SKAP2: variants seen among roughly 807,000 people sequenced by gnomAD.
SKAP2 encodes src kinase associated phosphoprotein 2.
SKAP2 carries 28 observed loss-of-function variants against 54.9 expected under a neutral mutation model. That is an observed-to-expected ratio of 0.51 (90% CI 0.38 to 0.70). SKAP2 has a LOEUF of 0.70. Among genes scored for constraint, SKAP2 ranks in the 30% least tolerant of loss-of-function variants. The pLI is 0.00. For missense variants in SKAP2, 356 were observed against 424.1 expected, an observed-to-expected ratio of 0.84 and a Z score of 1.41; for synonymous variants, 137 against 134.3, an observed-to-expected ratio of 1.02 and a Z score of -0.14.
chr7:26,823,474 T>C (rs181199899), intron 4 of SKAP2, among the ~76,000 whole-genome samples: 4 of 149,538 alleles, frequency 2.7e-5, no homozygotes, highest in Admixed American at 2.7e-4. Flanking sequence ...GCCTAATTAC[T>C]GATATGGAGA....
At chr7:26,815,675 G>A (rs1327084222) in intron 4 of SKAP2, among the ~76,000 whole-genome samples, 1 of 152,006 alleles carries the variant, frequency 6.6e-6, no homozygotes, top group Non-Finnish European at 1.5e-5. Context: ...CGAGTGGGAG[G>A]TTCAGTATGA....
At chr7:26,780,886 T>C (rs1783410919) in intron 4 of SKAP2, among the ~76,000 whole-genome samples, 1 of 152,122 alleles carries the variant, frequency 6.6e-6, no homozygotes, top group East Asian at 1.9e-4. Context: ...TAAAAAATCA[T>C]GGCTAAACCA....
chr7:26,833,484 G>A (rs763367425), intron 4 of SKAP2, among the ~76,000 whole-genome samples: 51 of 151,440 alleles, frequency 3.4e-4, no homozygotes, highest in Middle Eastern at 3.4e-3. Flanking sequence ...CCCATCTGAC[G>A]TGCAAAGACA....
At chr7:26,689,318 G>A (rs1367361039) in intron 10 of SKAP2, among the ~76,000 whole-genome samples, 1 of 152,184 alleles carries the variant, frequency 6.6e-6, no homozygotes, top group Non-Finnish European at 1.5e-5. Flanking sequence ...ATGAAGAGGT[G>A]TAAAGTCCTG....
chr7:26,748,771 A>G (rs1782613547), intron 4 of SKAP2, among the ~76,000 whole-genome samples: 1 of 152,088 alleles, frequency 6.6e-6, no homozygotes, highest in African/African-American at 2.4e-5. Context: ...AATATATACA[A>G]TTATGAACTG....
intron 9 of SKAP2, among the ~76,000 whole-genome samples, chr7:26,705,337 T>C (rs1216837477): frequency 6.6e-6 from 1 of 152,238 alleles, no homozygotes; most frequent in Non-Finnish European, 1.5e-5. Flanking sequence ...ATCAAACATG[T>C]AAATTTAATG....
intron 11 of SKAP2, among the ~76,000 whole-genome samples, chr7:26,672,427 T>G (rs1786262177): frequency 6.6e-6 from 1 of 151,854 alleles, no homozygotes; most frequent in South Asian, 2.1e-4. Flanking sequence ...AGGAGCTTAA[T>G]CAACTATAAA....
At chr7:26,852,871 T>C (rs1345310313) in intron 3 of SKAP2, among the ~76,000 whole-genome samples, 4 of 152,194 alleles carry the variant, frequency 2.6e-5, no homozygotes, top group Non-Finnish European at 4.4e-5. Context: ...ATCTGATATC[T>C]AATATTCTTC....
chr7:26,807,153 CTG>C (rs1285587676), intron 4 of SKAP2, among the ~76,000 whole-genome samples: 4 of 152,210 alleles, frequency 2.6e-5, no homozygotes, highest in African/African-American at 7.2e-5. Flanking sequence ...AGTAAAGACA[CTG>C]TGAACATTGA....
intron 4 of SKAP2, among the ~76,000 whole-genome samples, chr7:26,759,660 C>G (rs758494012): frequency 2.0e-5 from 3 of 152,108 alleles, no homozygotes; most frequent in Non-Finnish European, 4.4e-5. Context: ...CACCACTATC[C>G]CTTCTCAACT....
chr7:26,863,326 A>G (rs1785306414), intron 1 of SKAP2, among the ~76,000 whole-genome samples: 1 of 152,192 alleles, frequency 6.6e-6, no homozygotes, highest in Non-Finnish European at 1.5e-5. Flanking sequence ...TAGAATAAGC[A>G]ATCTGTAATC....
chr7:26,670,981 C>T (rs1414123019), intron 11 of SKAP2, among the ~76,000 whole-genome samples: 3 of 152,094 alleles, frequency 2.0e-5, no homozygotes, highest in South Asian at 4.2e-4. Context: ...ACAGAGTGGT[C>T]GATGAGTCAC....
intron 4 of SKAP2, among the ~76,000 whole-genome samples, chr7:26,819,797 T>C (rs767480411): frequency 1.3e-5 from 2 of 152,134 alleles, no homozygotes; most frequent in Non-Finnish European, 2.9e-5. Flanking sequence ...AAATAATCAC[T>C]ATCTATATTA....
intron 9 of SKAP2, among the ~76,000 whole-genome samples, chr7:26,709,680 G>A (rs1182419136): frequency 1.3e-5 from 2 of 152,072 alleles, no homozygotes; most frequent in African/African-American, 2.4e-5. Context: ...AGAGAAGGCA[G>A]GTTTTAAAAA....
chr7:26,855,458 C>A (rs1785142243), intron 1 of SKAP2, among the ~76,000 whole-genome samples: 1 of 152,072 alleles, frequency 6.6e-6, no homozygotes, highest in South Asian at 2.1e-4. Flanking sequence ...TTCCTACCTA[C>A]ACACTCATTC....
downstream of SKAP2, among the ~76,000 whole-genome samples, chr7:26,666,035 G>A (rs1007898089): frequency 6.6e-6 from 1 of 151,928 alleles, no homozygotes; most frequent in Non-Finnish European, 1.5e-5. Context: ...CAACCTTTGA[G>A]TGAAGCTGTG....
intron 3 of SKAP2, among the ~76,000 whole-genome samples, chr7:26,845,698 G>C (rs1404282724): frequency 6.6e-6 from 1 of 152,146 alleles, no homozygotes; most frequent in African/African-American, 2.4e-5. Flanking sequence ...CAGCATGCTT[G>C]AGGCCAGAAG....
intron 9 of SKAP2, among the ~76,000 whole-genome samples, chr7:26,704,834 C>A (rs1787122986): frequency 6.6e-6 from 1 of 152,144 alleles, no homozygotes; most frequent in Admixed American, 6.5e-5. Flanking sequence ...AATTTGAGCT[C>A]AAAAACCAAC....
Position 26,739,937 on chromosome 7 carries a change from T to C in SKAP2, c.335A>G (p.Gln112Arg). Reference protein sequence around the residue: ...DGAQFPPIAAQDLPFVLKAGY... With the variant: ...DGAQFPPIAARDLPFVLKAGY... The stretch of plus-strand genomic sequence containing the variant: ...AGCCTTTAGAACAAAAGGAAGGTCT[T>C]GTGCTGCAATTGGAGGAAACTGGGC... The change falls in exon 5 of 13, where the codon CAA becomes CGA. Residue 112 changes from glutamine (Q) to arginine (R), a missense_variant. Physicochemically the swap from Gln to Arg is conservative, Grantham distance 43. Coordinates refer to ENST00000345317, the MANE Select transcript of SKAP2 (RefSeq NM_003930.5). The C allele has an allele frequency of 6.2e-7, 1 of 1,611,778 alleles. No homozygotes were observed. The highest frequency in any genetic ancestry group is 1.3e-5 in the African/African-American group (1 of 74,770).
Sources: allele counts gnomAD v4.1 joint callset (sites outside exome capture counted in the v4.1 genomes callset), GRCh38; gene constraint gnomAD v4.1.1; transcripts MANE v1.5; gene names NCBI Gene and HGNC (gene_info 2026-07-23, HGNC 2026-07-21).